GNAI1: variants seen among roughly 807,000 people sequenced by gnomAD.
GNAI1 encodes the protein G protein subunit alpha i1, also known as guanine nucleotide-binding protein G(i) subunit alpha-1.
GNAI1 carries 11 observed loss-of-function variants against 38.9 expected under a neutral mutation model. That is an observed-to-expected ratio of 0.28 (90% CI 0.18 to 0.47). The LOEUF (loss-of-function observed/expected upper bound fraction) is 0.47. GNAI1 is among the 20% of genes least tolerant of loss of function. GNAI1 has a pLI of 0.99. For synonymous variants in GNAI1, 166 were observed against 145.1 expected, an observed-to-expected ratio of 1.14 and a Z score of -1.04; for missense variants, 317 against 436.9, an observed-to-expected ratio of 0.73 and a Z score of 2.45.
rs561645665 is a variant in GNAI1 at position 80,183,382 on chromosome 7, A to G, written c.119-5569A>G. ...AAGAGAAAGGATTTTAAATGCATTTATAATTTAGTTTTAGTTCATTGTAGT... is the reference window on the plus strand; with the variant it reads ...AAGAGAAAGGATTTTAAATGCATTTGTAATTTAGTTTTAGTTCATTGTAGT... On this transcript the variant is annotated intron_variant, in intron 1 of 7. Transcript: ENST00000649796. Among the ~76,000 whole-genome samples the G allele has an allele frequency of 2.6e-5, 4 of 152,366 alleles. No homozygotes were observed. In the South Asian group the frequency reaches 8.3e-4, roughly 32 times the overall value.
intron 1 of GNAI1, among the ~76,000 whole-genome samples, chr7:80,188,518 G>A (rs950947981): frequency 2.0e-5 from 3 of 152,102 alleles, no homozygotes; most frequent in African/African-American, 4.8e-5. Flanking sequence ...TTTAGAAACC[G>A]ATGAAGCTCA....
chr7:80,158,365 A>G (rs1234574241), intron 1 of GNAI1, among the ~76,000 whole-genome samples: 1 of 152,166 alleles, frequency 6.6e-6, no homozygotes, highest in Non-Finnish European at 1.5e-5. Flanking sequence ...TTGTTTTCTA[A>G]AGGGTGACTG....
chr7:80,171,120 T>A (rs1423022615), intron 1 of GNAI1, among the ~76,000 whole-genome samples: 2 of 152,204 alleles, frequency 1.3e-5, no homozygotes, highest in Non-Finnish European at 2.9e-5. Context: ...GTTCCTTCTC[T>A]TACAGCTCAT....
At chr7:80,216,183 G>A (rs1162625268) in intron 7 of GNAI1, among the ~76,000 whole-genome samples, 3 of 151,614 alleles carry the variant, frequency 2.0e-5, no homozygotes, top group African/African-American at 4.9e-5. Flanking sequence ...ACATACATAC[G>A]TACACACACA....
At chr7:80,176,321 A>G (rs1240390528) in intron 1 of GNAI1, among the ~76,000 whole-genome samples, 1 of 152,246 alleles carries the variant, frequency 6.6e-6, no homozygotes, top group African/African-American at 2.4e-5. Context: ...CTTGAAGGAA[A>G]GAAGCCATCT....
intron 1 of GNAI1, among the ~76,000 whole-genome samples, chr7:80,168,662 C>T (rs1248232954): frequency 6.6e-5 from 10 of 152,242 alleles, no homozygotes; most frequent in African/African-American, 1.9e-4. Flanking sequence ...GGATTACAGG[C>T]GTGAGCCACC....
At chr7:80,152,788 C>G (rs750400933) in intron 1 of GNAI1, among the ~76,000 whole-genome samples, 6 of 149,884 alleles carry the variant, frequency 4.0e-5, no homozygotes, top group Non-Finnish European at 2.9e-5. Context: ...TGGTCTCGAT[C>G]TCCTGATCTC....
chr7:80,217,239 T>TATGGATGAAACTGAAG, intron 7 of GNAI1, 64 bp from the exon 8 acceptor site: 2 of 1,053,124 alleles, frequency 1.9e-6, no homozygotes, highest in Non-Finnish European at 2.8e-6. Context: ...TGAAACTGAA[T>TATGGATGAAACTGAAG]TCAGTATTTT....
intron 5 of GNAI1, among the ~76,000 whole-genome samples, chr7:80,204,465 A>G (rs559461656): frequency 6.6e-6 from 1 of 152,304 alleles, no homozygotes; most frequent in African/African-American, 2.4e-5. Flanking sequence ...GAGGCTCAGG[A>G]AAGTTTAGTA....
At chr7:80,217,244 T>TTTCAG in intron 7 of GNAI1, 59 bp from the exon 8 acceptor site, 3 of 1,093,796 alleles carry the variant, frequency 2.7e-6, no homozygotes, top group Non-Finnish European at 3.9e-6. Flanking sequence ...CTGAATTCAG[T>TTTCAG]ATTTTAAGCA....
intron 3 of GNAI1, among the ~76,000 whole-genome samples, chr7:80,196,718 G>C (rs1329709672): frequency 6.6e-6 from 1 of 151,852 alleles, no homozygotes; most frequent in Non-Finnish European, 1.5e-5. Flanking sequence ...TTTATTGCCT[G>C]AAAGCTCATC....
chr7:80,151,872 T>C (rs1787733186), intron 1 of GNAI1, among the ~76,000 whole-genome samples: 1 of 152,180 alleles, frequency 6.6e-6, no homozygotes, highest in African/African-American at 2.4e-5. Context: ...ACGGGAGGGA[T>C]AAATGCTAGG....
At chr7:80,212,502 C>CA (rs1788891888) in intron 6 of GNAI1, among the ~76,000 whole-genome samples, 1 of 152,094 alleles carries the variant, frequency 6.6e-6, no homozygotes, top group African/African-American at 2.4e-5. Context: ...GGGCACTTGG[C>CA]AAGTAAAAGT....
chr7:80,215,341 T>C (rs1050797281), intron 7 of GNAI1, among the ~76,000 whole-genome samples: 1 of 152,202 alleles, frequency 6.6e-6, no homozygotes, highest in Non-Finnish European at 1.5e-5. Context: ...TGAAGCATAG[T>C]TTAATTTAGC....
At chr7:80,207,739 T>G (rs1198543902) in intron 5 of GNAI1, among the ~76,000 whole-genome samples, 5 of 152,106 alleles carry the variant, frequency 3.3e-5, no homozygotes, top group Non-Finnish European at 7.4e-5. Context: ...TTCTGTTTAA[T>G]TTTAACTGCT....
At chr7:80,145,454 C>G (rs1787602744) in intron 1 of GNAI1, among the ~76,000 whole-genome samples, 1 of 152,082 alleles carries the variant, frequency 6.6e-6, no homozygotes, top group Admixed American at 6.6e-5. Context: ...ATTGTAACCT[C>G]TTTGTGGTTT....
chr7:80,180,322 A>AGTGT (rs59104301), intron 1 of GNAI1, among the ~76,000 whole-genome samples: 312 of 150,194 alleles, frequency 2.1e-3, no homozygotes, highest in African/African-American at 5.9e-3. Flanking sequence ...ATTCTTATAA[A>AGTGT]GTGTGTGTGT....
At position 80,199,251 on chromosome 7, in the gene GNAI1, A is replaced by G; in HGVS notation, c.330A>G (p.Leu110=). The G allele has an allele frequency of 6.2e-7, 1 of 1,613,008 alleles. No homozygotes were observed. Among genetic ancestry groups the G allele is most frequent in the Non-Finnish European group, 8.5e-7 (1 of 1,179,426 alleles). The change falls in exon 4 of 8, where the codon CTA becomes CTG. Residue 110 remains leucine, a synonymous_variant. Transcript: ENST00000649796. ...RADDARQLFV[L]AGAAEEGFMT... is the part of the protein sequence containing the mutation. Reference sequence around the variant, plus strand: ...ATGATGCACGCCAACTCTTTGTGCTAGCTGGAGCTGCTGAAGAAGGCTTTA... The same window carrying G: ...ATGATGCACGCCAACTCTTTGTGCTGGCTGGAGCTGCTGAAGAAGGCTTTA...
At chr7:80,194,538 A>G (rs2115652700) in intron 3 of GNAI1, among the ~76,000 whole-genome samples, 1 of 152,286 alleles carries the variant, frequency 6.6e-6, no homozygotes, top group East Asian at 1.9e-4. Context: ...CCAAATATTG[A>G]TGCTCTTTTT....
Sources: gnomAD v4.1 joint callset for allele counts (sites outside exome capture counted in the v4.1 genomes callset) on GRCh38, gnomAD v4.1.1 for gene constraint, MANE v1.5 for transcripts, NCBI Gene and HGNC (gene_info 2026-07-23, HGNC 2026-07-21) for gene names.